RALYL: variants seen among roughly 807,000 people sequenced by gnomAD.
RALYL encodes RALY RNA binding protein like.
RALYL carries 29 observed loss-of-function variants against 35.1 expected under a neutral mutation model. The ratio of observed to expected loss-of-function variants is 0.83; its 90% CI spans 0.61 to 1.13. The LOEUF (loss-of-function observed/expected upper bound fraction) is 1.13, where lower values mean the gene tolerates loss of function less well. RALYL is among the 50% of genes most tolerant of loss of function. RALYL has a pLI of 0.00. For synonymous variants in RALYL, 120 were observed against 127.6 expected (o/e 0.94, Z 0.40); for missense variants, 359 against 360.4 (o/e 1.00, Z 0.03).
chr8:84,801,623 T>C (rs1823289892), intron 3 of RALYL, among the ~76,000 whole-genome samples: 1 of 152,144 alleles, frequency 6.6e-6, no homozygotes. Context: ...AGATCATGCA[T>C]GGGAAAAAAC....
At chr8:84,323,643 G>A (rs1464939489) in intron 1 of RALYL, among the ~76,000 whole-genome samples, 2 of 152,018 alleles carry the variant, frequency 1.3e-5, no homozygotes, top group Non-Finnish European at 2.9e-5. Flanking sequence ...AGTAGGTAAA[G>A]GCACTTGAAA....
intron 2 of RALYL, among the ~76,000 whole-genome samples, chr8:84,606,997 T>G (rs930387619): frequency 3.3e-5 from 5 of 150,546 alleles, no homozygotes; most frequent in Non-Finnish European, 5.9e-5. Flanking sequence ...AGAAGTGGGG[T>G]GTGTGTGTGT....
chr8:84,675,707 T>G (rs1411216826), intron 2 of RALYL, among the ~76,000 whole-genome samples: 1 of 152,180 alleles, frequency 6.6e-6, no homozygotes, highest in Non-Finnish European at 1.5e-5. Context: ...AAGTTTGTCT[T>G]TTTGAGTTCC....
intron 4 of RALYL, among the ~76,000 whole-genome samples, chr8:84,847,971 T>A (rs1835010337): frequency 6.6e-6 from 1 of 152,202 alleles, no homozygotes; most frequent in Non-Finnish European, 1.5e-5. Flanking sequence ...AATAAATCTA[T>A]CCTTAAAGCC....
At chr8:84,476,386 A>G (rs1042038768) in intron 1 of RALYL, among the ~76,000 whole-genome samples, 5 of 152,166 alleles carry the variant, frequency 3.3e-5, no homozygotes, top group Admixed American at 2.6e-4. Context: ...TTTGACTCTT[A>G]TGGAAAACCT....
chr8:84,671,453 C>G (rs116409602), intron 2 of RALYL, among the ~76,000 whole-genome samples: 2,182 of 152,336 alleles, frequency 0.014, 62 homozygotes, highest in African/African-American at 0.049. Context: ...GCCTTCCACA[C>G]TGCCCTGTCA....
chr8:84,365,443 T>C (rs1343287745), intron 1 of RALYL, among the ~76,000 whole-genome samples: 1 of 152,190 alleles, frequency 6.6e-6, no homozygotes, highest in African/African-American at 2.4e-5. Flanking sequence ...AATCAATACA[T>C]TGACTACAAT....
chr8:84,695,494 T>C (rs188135243), intron 2 of RALYL, among the ~76,000 whole-genome samples: 1 of 151,982 alleles, frequency 6.6e-6, no homozygotes, highest in Admixed American at 6.6e-5. Context: ...TTCTCTTTGA[T>C]ATAAACAGAT....
chr8:84,482,177 G>A (rs2133901374), intron 1 of RALYL, among the ~76,000 whole-genome samples: 1 of 152,104 alleles, frequency 6.6e-6, no homozygotes, highest in South Asian at 2.1e-4. Context: ...AAATTGATGA[G>A]TAGAACCACA....
chr8:84,494,202 T>A (rs2134093458), intron 1 of RALYL, among the ~76,000 whole-genome samples: 1 of 152,284 alleles, frequency 6.6e-6, no homozygotes, highest in South Asian at 2.1e-4. Flanking sequence ...TTGTTGAAGA[T>A]CAGATGGTTG....
intron 1 of RALYL, among the ~76,000 whole-genome samples, chr8:84,340,606 G>T (rs763970718): frequency 1.3e-5 from 2 of 151,942 alleles, no homozygotes; most frequent in African/African-American, 4.8e-5. Flanking sequence ...ATCACATTTG[G>T]CAGGATTCCC....
At chr8:84,288,273 T>A (rs547109740) in intron 1 of RALYL, among the ~76,000 whole-genome samples, 1 of 152,312 alleles carries the variant, frequency 6.6e-6, no homozygotes, top group African/African-American at 2.4e-5. Flanking sequence ...ATCAGCATTT[T>A]AAAAAATTCC....
Position 84,529,397 on chromosome 8 carries a change from G to A in RALYL, c.76G>A (p.Gly26Ser). Residue 26 changes from glycine (G) to serine (S), a missense_variant, in exon 2 of 9, where the codon GGC becomes AGC. Physicochemically the swap from Gly to Ser is moderately conservative, Grantham distance 56. Transcript: ENST00000521268. ...PKSINSRVFI[G>S]NLNTAIVKKV... ...GTCCATCAACTCCCGTGTTTTCATCGGCAATCTAAATACGGCAATTGTCAA... is the reference window on the plus strand; with the variant it reads ...GTCCATCAACTCCCGTGTTTTCATCAGCAATCTAAATACGGCAATTGTCAA... The A allele has an allele frequency of 1.9e-6, 3 of 1,611,748 alleles. No homozygotes were observed. Among genetic ancestry groups the A allele is most frequent in the Non-Finnish European group, 2.5e-6 (3 of 1,178,878 alleles).
intron 1 of RALYL, among the ~76,000 whole-genome samples, chr8:84,419,615 A>T (rs2132344777): frequency 6.6e-6 from 1 of 151,308 alleles, no homozygotes; most frequent in African/African-American, 2.4e-5. Context: ...TTACATATGT[A>T]TACATGTGCC....
At chr8:84,539,128 T>C (rs1408237404) in intron 2 of RALYL, among the ~76,000 whole-genome samples, 1 of 152,164 alleles carries the variant, frequency 6.6e-6, no homozygotes, top group Non-Finnish European at 1.5e-5. Context: ...ACGATTCCTA[T>C]GTTAGAATCC....
chr8:84,551,495 G>A (rs1167117109), intron 2 of RALYL, among the ~76,000 whole-genome samples: 2 of 152,044 alleles, frequency 1.3e-5, no homozygotes, highest in Non-Finnish European at 2.9e-5. Flanking sequence ...AATTAGATCA[G>A]GCTTTTCCTC....
At chr8:84,451,757 G>A (rs547949612) in intron 1 of RALYL, among the ~76,000 whole-genome samples, 1 of 152,040 alleles carries the variant, frequency 6.6e-6, no homozygotes, top group African/African-American at 2.4e-5. Context: ...AAATTAATAA[G>A]GGGCACTGCT....
intron 1 of RALYL, among the ~76,000 whole-genome samples, chr8:84,338,502 T>C (rs755859021): frequency 6.6e-6 from 1 of 151,684 alleles, no homozygotes; most frequent in African/African-American, 2.4e-5. Flanking sequence ...AGATTGAGTA[T>C]TATTAACAAG....
At chr8:84,557,547 A>G (rs1468019457) in intron 2 of RALYL, among the ~76,000 whole-genome samples, 2 of 152,232 alleles carry the variant, frequency 1.3e-5, no homozygotes, top group East Asian at 1.9e-4. Flanking sequence ...TGCATTCTCT[A>G]TGAACATTTA....
Sources: gnomAD v4.1 joint callset for allele counts (sites outside exome capture counted in the v4.1 genomes callset) on GRCh38, gnomAD v4.1.1 for gene constraint, MANE v1.5 for transcripts, NCBI Gene and HGNC (gene_info 2026-07-23, HGNC 2026-07-21) for gene names.